The following GSTCD variants were observed in gnomAD, a reference collection of about 807,000 sequenced individuals.
GSTCD encodes glutathione S-transferase C-terminal domain containing.
Under a neutral mutation model 68.3 loss-of-function variants are expected in GSTCD, and 44 were observed. The ratio of observed to expected loss-of-function variants is 0.64; its 90% CI spans 0.51 to 0.83. The LOEUF (loss-of-function observed/expected upper bound fraction) is 0.83, where lower values mean the gene tolerates loss of function less well. Among genes scored for constraint, GSTCD ranks in the 40% least tolerant of loss-of-function variants. The pLI is 0.00. For synonymous variants in GSTCD, 273 were observed against 255.2 expected (o/e 1.07, Z -0.67); for missense variants, 739 against 735.9 (o/e 1.00, Z -0.05).
intron 7 of GSTCD, among the ~76,000 whole-genome samples, chr4:105,824,734 G>T (rs1184366801): frequency 4.6e-5 from 7 of 151,992 alleles, no homozygotes; most frequent in Non-Finnish European, 1.0e-4. Flanking sequence ...GCATGATCTG[G>T]TTTCAGTTTA....
At chr4:105,711,752 G>T (rs1290448847) in intron 1 of GSTCD, among the ~76,000 whole-genome samples, 2 of 152,094 alleles carry the variant, frequency 1.3e-5, no homozygotes, top group African/African-American at 4.8e-5. Context: ...GCACCCAGGT[G>T]GTCTGGCTCA....
intron 5 of GSTCD, among the ~76,000 whole-genome samples, chr4:105,805,978 T>C (rs1161967886): frequency 6.6e-6 from 1 of 152,082 alleles, no homozygotes; most frequent in East Asian, 1.9e-4. Context: ...GTGAAAAAAC[T>C]TAGGCTGATT....
At chr4:105,830,828 G>A (rs934505682) in intron 8 of GSTCD, among the ~76,000 whole-genome samples, 1 of 151,820 alleles carries the variant, frequency 6.6e-6, no homozygotes, top group Non-Finnish European at 1.5e-5. Flanking sequence ...CCTCGGCAGT[G>A]AACAGTATAT....
chr4:105,755,645 C>A (rs923917247), intron 5 of GSTCD, among the ~76,000 whole-genome samples: 1 of 152,098 alleles, frequency 6.6e-6, no homozygotes, highest in Non-Finnish European at 1.5e-5. Flanking sequence ...CTTCAGATGC[C>A]AATCACCAGG....
intron 5 of GSTCD, among the ~76,000 whole-genome samples, chr4:105,756,495 T>TACAC (rs3055931): frequency 0.012 from 1,692 of 139,456 alleles, 20 homozygotes; most frequent in African/African-American, 0.026. Flanking sequence ...CCTATGCACA[T>TACAC]ACACACACAC....
chr4:105,774,174 C>G (rs760122453), intron 5 of GSTCD, among the ~76,000 whole-genome samples: 11 of 152,204 alleles, frequency 7.2e-5, no homozygotes, highest in Non-Finnish European at 1.0e-4. Flanking sequence ...ACTAGGATTG[C>G]AACCCCTGCT....
chr4:105,831,820 CAGCTACT>C (rs1237307628), intron 8 of GSTCD, among the ~76,000 whole-genome samples: 2 of 152,064 alleles, frequency 1.3e-5, no homozygotes, highest in Non-Finnish European at 2.9e-5. Flanking sequence ...GCTGTAATCC[CAGCTACT>C]TGGGAGGCTG....
At chr4:105,766,882 TGAC>T (rs1159782865) in intron 5 of GSTCD, among the ~76,000 whole-genome samples, 17 of 130,182 alleles carry the variant, frequency 1.3e-4, no homozygotes, top group African/African-American at 4.3e-4. Context: ...AATAGGTTTT[TGAC>T]TCTTTTTTTT....
intron 5 of GSTCD, among the ~76,000 whole-genome samples, chr4:105,786,421 A>G (rs1735467001): frequency 6.6e-6 from 1 of 151,840 alleles, no homozygotes; most frequent in South Asian, 2.1e-4. Flanking sequence ...CTGAGTCAGG[A>G]GAATCGCTTG....
chr4:105,815,600 A>T (rs1289599848), intron 5 of GSTCD, among the ~76,000 whole-genome samples: 1 of 152,194 alleles, frequency 6.6e-6, no homozygotes, highest in Non-Finnish European at 1.5e-5. Context: ...TTAAAAAATC[A>T]CTTGACTCTG....
At position 105,846,421 on chromosome 4, in the gene GSTCD, G is replaced by T. The variant is rs1039489303; in HGVS notation, c.*844G>T. On this transcript the variant is annotated 3_prime_UTR_variant, in exon 12 of 12. Transcript: ENST00000515279. ...TTCCCATAAATTACCAAATGAGATT[G>T]TCACTGGTTCAAATTATTAAATAAT... 4.6e-5 allele frequency: 7 copies of T among 152,106 alleles called. No individual in the cohort carries two copies. The highest frequency in any genetic ancestry group is 1.0e-4 in the Non-Finnish European group (7 of 68,036). The allele number at this position is 152,106 out of a possible 1,614,324, so 9.4% of individuals were successfully genotyped here.
At chr4:105,802,204 C>G (rs983850646) in intron 5 of GSTCD, among the ~76,000 whole-genome samples, 2 of 152,084 alleles carry the variant, frequency 1.3e-5, no homozygotes, top group Non-Finnish European at 2.9e-5. Context: ...GAGAAGGTAT[C>G]TCTCTAAATA....
chr4:105,738,623 CT>C (rs1733537013), intron 5 of GSTCD, among the ~76,000 whole-genome samples: 1 of 148,424 alleles, frequency 6.7e-6, no homozygotes, highest in Non-Finnish European at 1.5e-5. Flanking sequence ...ATTTTTTTTT[CT>C]TGTTTGTCTT....
At chr4:105,829,976 A>G (rs1723829276) in intron 8 of GSTCD, among the ~76,000 whole-genome samples, 1 of 152,162 alleles carries the variant, frequency 6.6e-6, no homozygotes, top group Admixed American at 6.5e-5. Flanking sequence ...TAAAAAAAAG[A>G]AAAAGAAAAA....
intron 1 of GSTCD, among the ~76,000 whole-genome samples, chr4:105,711,388 C>T (rs1023255315): frequency 6.6e-6 from 1 of 152,140 alleles, no homozygotes; most frequent in Non-Finnish European, 1.5e-5. Flanking sequence ...TGGCTTTCAG[C>T]CTCAGTAACA....
intron 5 of GSTCD, among the ~76,000 whole-genome samples, chr4:105,816,478 T>G (rs1001618521): frequency 2.6e-5 from 4 of 152,112 alleles, no homozygotes; most frequent in African/African-American, 9.6e-5. Flanking sequence ...CTCTAATGCC[T>G]TAGCAATATA....
At chr4:105,731,039 G>T (rs542579240) in intron 5 of GSTCD, among the ~76,000 whole-genome samples, 2 of 152,276 alleles carry the variant, frequency 1.3e-5, no homozygotes, top group South Asian at 4.1e-4. Flanking sequence ...TCAGATGGTT[G>T]TAGATGTGTG....
intron 10 of GSTCD, among the ~76,000 whole-genome samples, chr4:105,841,192 C>T (rs113786423): frequency 0.054 from 8,265 of 151,940 alleles, 256 homozygotes; most frequent in Middle Eastern, 0.13. Flanking sequence ...AGCATGGTGG[C>T]GTGCGCCTGT....
chr4:105,827,022 A>T (rs1723663650), intron 8 of GSTCD: 1 of 152,194 alleles, frequency 6.6e-6, no homozygotes, highest in Non-Finnish European at 1.5e-5. Flanking sequence ...CACGATCTAC[A>T]GTTTACTTCT....
Sources: allele counts gnomAD v4.1 joint callset (sites outside exome capture counted in the v4.1 genomes callset), GRCh38; gene constraint gnomAD v4.1.1; transcripts MANE v1.5; gene names NCBI Gene and HGNC (gene_info 2026-07-23, HGNC 2026-07-21).